Variants in NDST2 observed in about 807,000 individuals in gnomAD.
NDST2 encodes N-deacetylase and N-sulfotransferase 2, also known as bifunctional heparan sulfate N-deacetylase/N-sulfotransferase 2.
NDST2 carries 32 observed loss-of-function variants against 86.9 expected under a neutral mutation model. The ratio of observed to expected loss-of-function variants is 0.37; its 90% confidence interval spans 0.28 to 0.49. The LOEUF (loss-of-function observed/expected upper bound fraction) is 0.49. Among genes scored for constraint, NDST2 ranks in the 20% least tolerant of loss-of-function variants. The probability of loss-of-function intolerance (pLI) is 0.97; values close to 1 mark genes in which losing one functional copy is unlikely to be tolerated. For synonymous variants in NDST2, 409 were observed against 437.0 expected (o/e 0.94, Z 0.80); for missense variants, 950 against 1,146.9 (o/e 0.83, Z 2.48).
rs972175437 is a variant in NDST2, at chr10:73,802,136, G to A, written c.*315C>T. 8.9e-6 allele frequency: 4 copies of A among 451,580 alleles called. No homozygotes were observed. In the East Asian group the frequency reaches 1.7e-4, roughly 19 times the overall value. The allele number at this position is 451,580 out of a possible 1,614,324, so 28.0% of individuals were successfully genotyped here. A position where few individuals can be genotyped will look rare whatever the true frequency, so the allele number is the denominator to read the frequency against. ...CCAGGTATAGAATAGATACACTGCT[G>A]CGGATGAAGAGGGAAATCTCATTGG... On this transcript the variant is annotated 3_prime_UTR_variant, in exon 15 of 15. Coordinates refer to ENST00000309979, the MANE Select transcript of NDST2 (RefSeq NM_003635.4).
chr10:73,804,627 A>T, intron 9 of NDST2, 146 bp downstream of exon 9: 1 of 394,216 alleles, frequency 2.5e-6, no homozygotes, highest in Non-Finnish European at 4.5e-6. Context: ...AAGAAGTGAG[A>T]CTCTTATCTC....
chr10:73,803,337 G>A lies in NDST2; in HGVS notation c.2165C>T (p.Pro722Leu), dbSNP rs979400413. 1.9e-6 allele frequency: 3 copies of A among 1,614,212 alleles called. No homozygotes were observed. The highest frequency in any genetic ancestry group is 3.3e-5 in the Admixed American group (2 of 60,032). ...WYQHQRAHGD[P>L]VALNYTFYQV... ...ATAGAAGGTATAGTTCAGAGCAACTGGGTCTCCATGGGCTCGCTGATGCTG... is the reference window on the plus strand; with the variant it reads ...ATAGAAGGTATAGTTCAGAGCAACTAGGTCTCCATGGGCTCGCTGATGCTG... The change falls in exon 12 of 15, where the codon CCA (proline) becomes CTA (leucine). Residue 722 changes from proline to leucine, a missense_variant. This residue lies in a region of NDST2 where 303 missense variants were observed against 323.7 expected (regional missense o/e 0.94). Transcript: ENST00000309979.
intron 11 of NDST2, 105 bp from the exon 12 acceptor site, chr10:73,803,464 G>A: frequency 6.5e-7 from 1 of 1,542,438 alleles, no homozygotes; most frequent in Non-Finnish European, 8.9e-7. Flanking sequence ...CCGTCCCCAA[G>A]GCACTAGTTA....
chr10:73,805,544 C>CCACCCCT, intron 8 of NDST2, 43 bp downstream of exon 8: 1 of 1,591,258 alleles, frequency 6.3e-7, no homozygotes, highest in Non-Finnish European at 8.6e-7. Context: ...AAAAAACACC[C>CCACCCCT]CACCCCTATC....
intron 14 of NDST2, 43 bp downstream of exon 14, chr10:73,802,631 C>T (rs371264869): frequency 1.2e-6 from 2 of 1,613,998 alleles, no homozygotes; most frequent in Non-Finnish European, 1.7e-6. Flanking sequence ...AGAATCAGAT[C>T]CTGGAAGTGG....
At position 73,806,895 on chromosome 10, in the gene NDST2, T is replaced by A; in HGVS notation, c.1094-84A>T. On this transcript the variant is annotated intron_variant, in intron 4 of 14. Transcript: ENST00000309979. The surrounding 1 kb of genome is among the most constrained non-coding windows in gnomAD (Gnocchi z 4.5). ...TTGTAACAACACTGACCACCTTCCATCCCTGATCCTTGCCTAAGACTTTCT... is the reference window on the plus strand; with the variant it reads ...TTGTAACAACACTGACCACCTTCCAACCCTGATCCTTGCCTAAGACTTTCT... 6.4e-7 allele frequency: 1 copy of A among 1,572,870 alleles called. No homozygotes were observed. Among genetic ancestry groups the A allele is most frequent in the Non-Finnish European group, 8.7e-7 (1 of 1,154,470 alleles).
Position 73,810,920 on chromosome 10 carries a change from G to A in NDST2, c.-446-17C>T, listed in dbSNP as rs1338662851. 3 of 398,980 alleles carry A rather than the reference G, an allele frequency of 7.5e-6. No homozygotes were observed. Among genetic ancestry groups the A allele is most frequent in the Non-Finnish European group, 1.3e-5 (3 of 226,094 alleles). 24.7% of individuals were successfully genotyped at this position (398,980 alleles called of 1,614,324 possible). ...GCTTCATACCTGGAAGAAGCAGCAAGGTTTAGGGAAGGGGCGCCGGGAGCG... is the reference window on the plus strand; with the variant it reads ...GCTTCATACCTGGAAGAAGCAGCAAAGTTTAGGGAAGGGGCGCCGGGAGCG... On this transcript the variant is annotated splice_polypyrimidine_tract_variant and intron_variant, in intron 1 of 14. Coordinates refer to ENST00000309979, the MANE Select transcript of NDST2 (RefSeq NM_003635.4).
At position 73,807,822 on chromosome 10, in the gene NDST2, A is replaced by C. The variant is rs993984921; in HGVS notation, c.567T>G (p.Leu189=). 2 of 1,614,174 alleles carry C rather than the reference A, an allele frequency of 1.2e-6. No homozygotes were observed. Among genetic ancestry groups the C allele is most frequent in the African/African-American group, 2.7e-5 (2 of 75,044 alleles). ...GGAGCCCCAAGTTTGAGTGTAAAAAAAGGGGAAAGCCCTTGAGCTGGGCGC... is the reference window on the plus strand; with the variant it reads ...GGAGCCCCAAGTTTGAGTGTAAAAACAGGGGAAAGCCCTTGAGCTGGGCGC... ...LLSAQLKGFP[L]FLHSNLGLRD... is the part of the protein sequence containing the mutation. Residue 189 remains leucine, a synonymous_variant, in exon 3 of 15, where the codon CTT becomes CTG. Coordinates refer to ENST00000309979, the MANE Select transcript of NDST2 (RefSeq NM_003635.4).
Position 73,803,559 on chromosome 10 carries a change from T to C in NDST2, c.2142+15A>G, listed in dbSNP as rs998925378. On this transcript the variant is annotated intron_variant, in intron 11 of 14. Transcript: ENST00000309979. ...CCCCAACCTTTAGCCTGTGTGTCCC[T>C]AGCTTCAGGCAGACCTGGTACCAGG... The C allele has an allele frequency of 8.8e-7, 1 of 1,141,208 alleles. No homozygotes were observed. Among genetic ancestry groups the C allele is most frequent in the African/African-American group, 1.8e-5 (1 of 56,450 alleles). The allele number at this position is 1,141,208 out of a possible 1,614,324, so 70.7% of individuals were successfully genotyped here. A position where few individuals can be genotyped will look rare whatever the true frequency, so the allele number is the denominator to read the frequency against.
chr10:73,806,252 T>TA lies in NDST2; in HGVS notation c.1434+36dup, dbSNP rs772133743. The TA allele has an allele frequency of 7.5e-6, 12 of 1,610,618 alleles. No individual in the cohort carries two copies. The highest frequency in any genetic ancestry group is 2.0e-4 in the Middle Eastern group (1 of 4,994). On this transcript the variant is annotated intron_variant, in intron 6 of 14. Transcript: ENST00000309979. This position sits in a 1 kb window ranked among gnomAD's most constrained non-coding sequence, Gnocchi z 4.5. ...TGCATGTTGAAAGCTGTCTAAATGT[T>TA]AGAGTTTGATTCAAGCCTGTATTGG...
Position 73,807,841 on chromosome 10 carries a change from T to C in NDST2, c.548A>G (p.Gln183Arg). The change falls in exon 3 of 15, where the codon CAG becomes CGG. Residue 183 changes from glutamine to arginine, a missense_variant. Physicochemically the swap from Gln to Arg is conservative, Grantham distance 43 (BLOSUM62 1). Around this residue, in one of 5 missense-constraint regions of NDST2, gnomAD observed 586 missense variants for 714.0 expected, o/e 0.82. Coordinates refer to ENST00000309979, the MANE Select transcript of NDST2 (RefSeq NM_003635.4). ...TAAAAAAAGGGGAAAGCCCTTGAGC[T>C]GGGCGCTCAGTAGGCTGTGCTCGTG... Reference protein sequence around the residue: ...RAHEHSLLSAQLKGFPLFLHS... With the variant: ...RAHEHSLLSARLKGFPLFLHS... 1 of 1,614,078 alleles carries C rather than the reference T, an allele frequency of 6.2e-7. No individual in the cohort carries two copies. Among genetic ancestry groups the C allele is most frequent in the Non-Finnish European group, 8.5e-7 (1 of 1,179,966 alleles).
chr10:73,802,655 T>A lies in NDST2; in HGVS notation c.2526+19A>T, dbSNP rs116426418. On this transcript the variant is annotated intron_variant, in intron 14 of 14. Transcript: ENST00000309979. The stretch of plus-strand genomic sequence containing the variant: ...TCCTGGAAGTGGAGAGGGATTCCCC[T>A]GCCCCTGGCTTTACTTACCTCAGTG... 2,442 of 1,614,082 alleles carry A rather than the reference T, an allele frequency of 1.5e-3. 29 individuals are homozygous for A. The African/African-American group carries it at 0.027, about 18-fold the overall frequency.
At position 73,806,217 on chromosome 10, in the gene NDST2, C is replaced by T. The variant is rs1232916559; in HGVS notation, c.1434+72G>A. 1.9e-6 allele frequency: 3 copies of T among 1,593,352 alleles called. No homozygotes were observed. The highest frequency in any genetic ancestry group is 1.7e-5 in the Admixed American group (1 of 59,778). ...ACTTGGACTGGCAGTTGATAGAGAA[C>T]ATAGGTCAATGCATGTTGAAAGCTG... On this transcript the variant is annotated intron_variant, in intron 6 of 14. Transcript: ENST00000309979. The surrounding 1 kb of genome is among the most constrained non-coding windows in gnomAD (Gnocchi z 4.5).
chr10:73,804,731 G>A, intron 9 of NDST2, 42 bp downstream of exon 9: 1 of 1,236,062 alleles, frequency 8.1e-7, no homozygotes, highest in South Asian at 1.3e-5. Context: ...GGATCCTTTG[G>A]GTTTAAGGCA....
In NDST2 at chr10:73,806,386, C is replaced by T; in HGVS notation, c.1337G>A (p.Trp446Ter). The change falls in exon 6 of 15, where the codon TGG becomes TAG. Residue 446 changes from tryptophan to a stop codon, truncating the protein, a stop_gained. Transcript: ENST00000309979. LOFTEE classifies it high-confidence loss of function. The surrounding 1 kb of genome is among the most constrained non-coding windows in gnomAD (Gnocchi z 4.5). Reference protein sequence around the residue: ...YPIHTQLYEAWKSVWGIQVTS... With the variant: ...YPIHTQLYEA ...CACCTGGATGCCCCACACGGATTTC[C>T]AGGCCTCATAGAGCTGCGTGTGGAT... is the stretch of plus-strand genomic sequence containing the variant. 1 of 1,614,106 alleles carries T rather than the reference C, an allele frequency of 6.2e-7. No homozygotes were observed. Among genetic ancestry groups the T allele is most frequent in the Non-Finnish European group, 8.5e-7 (1 of 1,180,002 alleles).
Position 73,807,589 on chromosome 10 carries a change from T to C in NDST2, c.800A>G (p.Gln267Arg), listed in dbSNP as rs374511364. 2 of 1,614,098 alleles carry C rather than the reference T, an allele frequency of 1.2e-6. No individual in the cohort carries two copies. The highest frequency in any genetic ancestry group is 1.3e-5 in the African/African-American group (1 of 74,936). Residue 267 changes from glutamine to arginine, a missense_variant, in exon 3 of 15, where the codon CAG becomes CGG. This residue lies in a region of NDST2 where 586 missense variants were observed against 714.0 expected (regional missense o/e 0.82). Coordinates refer to ENST00000309979, the MANE Select transcript of NDST2 (RefSeq NM_003635.4). ...LRRARLPTVV[Q>R]DLGLHDGIQR... The stretch of plus-strand genomic sequence containing the variant: ...GATGCCATCATGAAGCCCCAGGTCC[T>C]GTACCACAGTGGGAAGCCGGGCCCG...
rs148558119 is a variant in NDST2 at position 73,806,782 on chromosome 10, T to C, written c.1123A>G (p.Met375Val). The C allele has an allele frequency of 1.4e-3, 2,190 of 1,614,154 alleles. 11 individuals carry two copies. The highest frequency in any genetic ancestry group is 2.6e-3 in the Admixed American group (156 of 60,028). The part of the protein sequence containing the change: ...GTEEEDAGDD[M>V]LLKHRKEFWW... ...AACTCTTTGCGGTGCTTCAGCAGCA[T>C]GTCGTCCCCTGCATCCTCCTCCTCT... is the stretch of plus-strand genomic sequence containing the variant. The change falls in exon 5 of 15, where the codon ATG becomes GTG. Residue 375 changes from methionine to valine, a missense_variant. Transcript: ENST00000309979. The surrounding 1 kb of genome is among the most constrained non-coding windows in gnomAD (Gnocchi z 4.5).
chr10:73,805,256 T>C (rs565368306), intron 8 of NDST2, among the ~76,000 whole-genome samples: 1 of 151,776 alleles, frequency 6.6e-6, no homozygotes, highest in South Asian at 2.1e-4. Context: ...CTTACATATG[T>C]AATCCCAGCA....
At chr10:73,803,789 CAG>C in intron 10 of NDST2, 41 bp from the exon 11 acceptor site, 1 of 1,613,174 alleles carries the variant, frequency 6.2e-7, no homozygotes, top group Non-Finnish European at 8.5e-7. Flanking sequence ...GAAAAATATG[CAG>C]AGTGAAGTGG....
Sources: gnomAD v4.1 joint callset for allele counts (sites outside exome capture counted in the v4.1 genomes callset) on GRCh38, gnomAD v4.1.1 for gene constraint, gnomAD v4.1.1 regional missense constraint, Gnocchi (gnomAD v3.1) non-coding constraint, MANE v1.5 for transcripts, NCBI Gene and HGNC (gene_info 2026-07-23, HGNC 2026-07-21) for gene names.